Variants in MTCH2 observed in about 807,000 individuals in gnomAD.
The protein encoded by MTCH2 is mitochondrial carrier homolog 2.
MTCH2 carries 25 observed loss-of-function variants against 50.6 expected under a neutral mutation model. The ratio of observed to expected loss-of-function variants is 0.49; its 90% CI spans 0.36 to 0.69. The LOEUF is 0.69. Ranked by LOEUF, MTCH2 falls within the 30% of genes least tolerant of loss-of-function variation. MTCH2 has a pLI of 0.00. For missense variants in MTCH2, 273 were observed against 384.4 expected (o/e 0.71, Z 2.42); for synonymous variants, 106 against 132.0 (o/e 0.80, Z 1.35).
chr11:47,633,526 A>ATATATATTTT (rs1378774715), intron 5 of MTCH2, among the ~76,000 whole-genome samples: 2 of 35,078 alleles, frequency 5.7e-5, no homozygotes, highest in Non-Finnish European at 5.9e-5. Context: ...ATATATATAT[A>ATATATATTTT]TTTTTTTTTT....
At chr11:47,625,017 G>C (rs921782456) in intron 11 of MTCH2, among the ~76,000 whole-genome samples, 1 of 152,106 alleles carries the variant, frequency 6.6e-6, no homozygotes, top group Admixed American at 6.6e-5. Flanking sequence ...GAATCCAGGA[G>C]GTGTCTGTTG....
chr11:47,606,947 C>CACGTCAGGCAGTCA, the MTCH2 span, among the ~76,000 whole-genome samples: 1 of 152,216 alleles, frequency 6.6e-6, no homozygotes, highest in Non-Finnish European at 1.5e-5. Context: ...GCTCTCAGAG[C>CACGTCAGGCAGTCA]ACGTCAGGCA....
At chr11:47,627,256 G>A in intron 9 of MTCH2, 129 bp from the exon 10 acceptor site, 5 of 606,210 alleles carry the variant, frequency 8.2e-6, no homozygotes, top group South Asian at 7.5e-5. Flanking sequence ...CCAGGCTGAA[G>A]TGCAGTGACC....
chr11:47,612,728 C>CAAA (rs541769139), downstream of MTCH2, among the ~76,000 whole-genome samples: 1 of 97,048 alleles, frequency 1.0e-5, no homozygotes. Context: ...GACCCTATCT[C>CAAA]AAAAAAAAAA....
intron 11 of MTCH2, among the ~76,000 whole-genome samples, chr11:47,623,369 CTTT>C (rs398016007): frequency 1.7e-5 from 2 of 120,120 alleles, no homozygotes; most frequent in South Asian, 2.7e-4. Flanking sequence ...AAGAACCAGT[CTTT>C]TTTTAAAAAA....
At chr11:47,630,714 C>T (rs1565969691) in intron 7 of MTCH2, 100 bp from the exon 8 acceptor site, 2 of 1,062,012 alleles carry the variant, frequency 1.9e-6, no homozygotes, top group Non-Finnish European at 2.8e-6. Flanking sequence ...AAATCCACGA[C>T]CTCCTTCCCT....
chr11:47,624,169 T>C (rs562516369), intron 11 of MTCH2, among the ~76,000 whole-genome samples: 64 of 150,718 alleles, frequency 4.2e-4, no homozygotes, highest in African/African-American at 1.5e-3. Context: ...GAGGTGGAGG[T>C]TGCAGTGAGT....
At chr11:47,620,281 A>G (rs1373054745) in intron 12 of MTCH2, among the ~76,000 whole-genome samples, 2 of 152,012 alleles carry the variant, frequency 1.3e-5, no homozygotes, top group African/African-American at 4.8e-5. Context: ...GTATAATAAT[A>G]ATAAAATTAA....
At chr11:47,606,849 G>A in the MTCH2 span, among the ~76,000 whole-genome samples, 1 of 152,236 alleles carries the variant, frequency 6.6e-6, no homozygotes, top group East Asian at 1.9e-4. Context: ...TGTCATTGAT[G>A]AATGTGAAGA....
chr11:47,636,961 G>GTTT (rs11393379), intron 3 of MTCH2, among the ~76,000 whole-genome samples: 176 of 141,304 alleles, frequency 1.2e-3, no homozygotes, highest in Non-Finnish European at 2.2e-3. Context: ...CAAGAACTCT[G>GTTT]TTTTTTTTTT....
intron 12 of MTCH2, among the ~76,000 whole-genome samples, chr11:47,621,960 C>T (rs1215951177): frequency 6.6e-6 from 1 of 152,130 alleles, no homozygotes; most frequent in Non-Finnish European, 1.5e-5. Flanking sequence ...GCCTTGACCT[C>T]CTGGGCTCAG....
At chr11:47,632,304 T>C (rs2097303799) in intron 5 of MTCH2, among the ~76,000 whole-genome samples, 1 of 152,086 alleles carries the variant, frequency 6.6e-6, no homozygotes, top group South Asian at 2.1e-4. Flanking sequence ...TTATAATCTT[T>C]GCATTTAGGT....
rs191353937 is a variant in MTCH2, at chr11:47,619,470, G to A, written c.826-551C>T. ...GCTGGTCTCAAACTCCTGACCTCAA[G>A]TGATCCGCCTATCTTGGCCTCCCAA... On this transcript the variant is annotated intron_variant, in intron 12 of 12. Coordinates refer to ENST00000302503, the MANE Select transcript of MTCH2 (RefSeq NM_014342.4). Among the ~76,000 whole-genome samples the A allele has an allele frequency of 4.9e-4, 74 of 152,190 alleles. 4 individuals are homozygous for A. In the East Asian group the frequency reaches 0.01, roughly 21 times the overall value.
intron 11 of MTCH2, among the ~76,000 whole-genome samples, chr11:47,623,677 T>C (rs775930685): frequency 6.6e-6 from 1 of 152,202 alleles, no homozygotes. Flanking sequence ...AAACTCCACA[T>C]AGCTATCTGA....
chr11:47,640,164 A>G (rs1016045193), intron 1 of MTCH2, among the ~76,000 whole-genome samples: 5 of 151,906 alleles, frequency 3.3e-5, no homozygotes, highest in South Asian at 2.1e-4. Context: ...CCCTGTCTCT[A>G]CTAAAAACAC....
chr11:47,639,841 A>G (rs1017361867), intron 1 of MTCH2, among the ~76,000 whole-genome samples: 1 of 152,136 alleles, frequency 6.6e-6, no homozygotes. Flanking sequence ...CTCCATCTCA[A>G]AAACAAACAA....
rs577594451 is a variant in MTCH2, at chr11:47,626,330, G to A, written c.682-589C>T. Among the ~76,000 whole-genome samples the A allele has an allele frequency of 2.4e-4, 36 of 148,710 alleles. No individual in the cohort carries two copies. In the East Asian group the frequency reaches 5.9e-3, roughly 25 times the overall value. Reference sequence around the variant, plus strand: ...GGAGTGAGCCACCGCGCCTGCCCCAGCTTTTTTTTTTTTTTTTCACTTTTG... The same window carrying A: ...GGAGTGAGCCACCGCGCCTGCCCCAACTTTTTTTTTTTTTTTTCACTTTTG... On this transcript the variant is annotated intron_variant, in intron 10 of 12. Coordinates refer to ENST00000302503, the MANE Select transcript of MTCH2 (RefSeq NM_014342.4).
intron 5 of MTCH2, among the ~76,000 whole-genome samples, chr11:47,633,526 A>ATATATATATATATATATATATTTT (rs1378774715): frequency 2.9e-5 from 1 of 35,078 alleles, no homozygotes; most frequent in African/African-American, 8.3e-5. Flanking sequence ...ATATATATAT[A>ATATATATATATATATATATATTTT]TTTTTTTTTT....
intron 8 of MTCH2, among the ~76,000 whole-genome samples, chr11:47,629,530 G>C (rs2097301063): frequency 6.6e-6 from 1 of 152,136 alleles, no homozygotes. Context: ...GGTGACCTAG[G>C]TGAGGCAGCA....
Sources: allele counts gnomAD v4.1 joint callset (sites outside exome capture counted in the v4.1 genomes callset), GRCh38; gene constraint gnomAD v4.1.1; transcripts MANE v1.5; gene names NCBI Gene and HGNC (gene_info 2026-07-23, HGNC 2026-07-21).